The following DIAPH3 variants were observed in gnomAD, a reference collection of about 807,000 sequenced individuals.
DIAPH3 encodes diaphanous related formin 3, also known as protein diaphanous homolog 3.
DIAPH3 carries 117 observed loss-of-function variants against 144.3 expected under a neutral mutation model. The observed-to-expected ratio is 0.81, with a 90% CI of 0.70 to 0.95. DIAPH3 has a LOEUF of 0.95. Among genes scored for constraint, DIAPH3 ranks in the 40% least tolerant of loss-of-function variants. The probability of loss-of-function intolerance (pLI) is 0.00; values close to 1 mark genes in which losing one functional copy is unlikely to be tolerated. For missense variants in DIAPH3, 1,421 were observed against 1,412.7 expected, an observed-to-expected ratio of 1.01 and a Z score of -0.09; for synonymous variants, 519 against 488.9, an observed-to-expected ratio of 1.06 and a Z score of -0.81.
At chr13:60,154,533 G>C (rs188768670) in intron 1 of DIAPH3, among the ~76,000 whole-genome samples, 6 of 152,238 alleles carry the variant, frequency 3.9e-5, no homozygotes, top group South Asian at 2.1e-4. Flanking sequence ...TTTCCAAATA[G>C]ATTTCACTAA....
At chr13:59,954,850 C>A (rs1251258000) in intron 17 of DIAPH3, among the ~76,000 whole-genome samples, 1 of 151,980 alleles carries the variant, frequency 6.6e-6, no homozygotes, top group African/African-American at 2.4e-5. Context: ...AGAACTCAAT[C>A]ATGAGGCAGC....
intron 3 of DIAPH3, among the ~76,000 whole-genome samples, chr13:60,107,896 A>G (rs2058463796): frequency 6.6e-6 from 1 of 152,200 alleles, no homozygotes; most frequent in East Asian, 1.9e-4. Context: ...CTGATAGATG[A>G]GCTTTCTTGC....
chr13:59,855,703 A>G (rs1427445371), intron 22 of DIAPH3, among the ~76,000 whole-genome samples: 1 of 151,832 alleles, frequency 6.6e-6, no homozygotes, highest in Non-Finnish European at 1.5e-5. Flanking sequence ...ACTTGGATAT[A>G]CTAAATACTT....
At chr13:60,067,202 T>C (rs2057002976) in intron 4 of DIAPH3, among the ~76,000 whole-genome samples, 1 of 151,958 alleles carries the variant, frequency 6.6e-6, no homozygotes, top group Non-Finnish European at 1.5e-5. Flanking sequence ...AAAGGATTGC[T>C]TGAGCATGAG....
Position 60,042,732 on chromosome 13 carries a change from C to G in DIAPH3, c.584G>C (p.Cys195Ser), listed in dbSNP as rs946883487. ...CAAAGACACTCGGAGAGACTCCAGG[C>G]ATGTGACAAGTCTCTCATCTGCAGA... ...MGSADERLVT[C>S]LESLRVSLTS... is the part of the protein sequence containing the mutation. Residue 195 changes from cysteine (C) to serine (S), a missense_variant, in exon 5 of 28, where the codon TGC (cysteine) becomes TCC (serine). By Grantham distance (112) the Cys-to-Ser change is moderately radical. Coordinates refer to ENST00000400324, the MANE Select transcript of DIAPH3 (RefSeq NM_001042517.2). 2 of 1,613,598 alleles carry G rather than the reference C, an allele frequency of 1.2e-6. No individual in the cohort carries two copies. Among genetic ancestry groups the G allele is most frequent in the African/African-American group, 2.7e-5 (2 of 74,916 alleles).
rs773306723 is a variant in DIAPH3, at chr13:59,908,369, C to CAAAA, written c.2367+3362_2367+3365dup. Among the ~76,000 whole-genome samples, 31 of 41,162 alleles carry CAAAA rather than the reference C, an allele frequency of 7.5e-4. 1 individual carries two copies. The highest frequency in any genetic ancestry group is 2.4e-3 in the African/African-American group (24 of 10,176). 27.0% of individuals were successfully genotyped at this position (41,162 alleles called of 152,430 possible). On this transcript the variant is annotated intron_variant, in intron 20 of 27. Coordinates refer to ENST00000400324, the MANE Select transcript of DIAPH3 (RefSeq NM_001042517.2). Reference sequence around the variant, plus strand: ...CTGGTGACAGAGCTAGACTCTGTCTCAAAAAAAAAAAAAAAAAAAAAAAAA... The same window carrying CAAAA: ...CTGGTGACAGAGCTAGACTCTGTCTCAAAAAAAAAAAAAAAAAAAAAAAAAAAAA...
chr13:59,689,821 T>A (rs1043378987), intron 27 of DIAPH3, among the ~76,000 whole-genome samples: 9 of 150,478 alleles, frequency 6.0e-5, no homozygotes, highest in African/African-American at 1.9e-4. Context: ...ATGTATGTTA[T>A]GCAAGTGATG....
rs192660489 is a variant in DIAPH3, at chr13:59,999,234, G to T, written c.1015-6651C>A. Among the ~76,000 whole-genome samples, 86 of 152,068 alleles carry T rather than the reference G, an allele frequency of 5.7e-4. No individual in the cohort carries two copies. In the East Asian group the frequency reaches 0.015, roughly 27 times the overall value. Reference sequence around the variant, plus strand: ...CCATTGACAAATTTCAAAATATAGTGATTATCCCTCACTTAAGAAAGGTTT... The same window carrying T: ...CCATTGACAAATTTCAAAATATAGTTATTATCCCTCACTTAAGAAAGGTTT... On this transcript the variant is annotated intron_variant, in intron 9 of 27. Coordinates refer to ENST00000400324, the MANE Select transcript of DIAPH3 (RefSeq NM_001042517.2).
chr13:60,042,401 A>G (rs1172580372), intron 5 of DIAPH3, among the ~76,000 whole-genome samples: 2 of 152,232 alleles, frequency 1.3e-5, no homozygotes, highest in Non-Finnish European at 2.9e-5. Context: ...ACTCAGTCAT[A>G]TTAAATTAAT....
At chr13:59,935,293 C>T (rs1477990471) in intron 17 of DIAPH3, among the ~76,000 whole-genome samples, 1 of 152,130 alleles carries the variant, frequency 6.6e-6, no homozygotes, top group African/African-American at 2.4e-5. Flanking sequence ...AAGGATGACT[C>T]TGGTTCCAAA....
chr13:59,820,875 G>T (rs1159161783), intron 24 of DIAPH3, among the ~76,000 whole-genome samples: 1 of 151,026 alleles, frequency 6.6e-6, no homozygotes, highest in East Asian at 1.9e-4. Flanking sequence ...CTGACTTTTT[G>T]ATCGTACTTC....
rs1028424548 is a variant in DIAPH3 at position 59,665,928 on chromosome 13, G to A, written c.*656C>T. The stretch of plus-strand genomic sequence containing the variant: ...CACAAAAGCACATGCATTTGGCAAA[G>A]AGAGTGCATACATTCTTATTGCATC... On this transcript the variant is annotated 3_prime_UTR_variant, in exon 28 of 28. Coordinates refer to ENST00000400324, the MANE Select transcript of DIAPH3 (RefSeq NM_001042517.2). 1 of 152,264 alleles carries A rather than the reference G, an allele frequency of 6.6e-6. No homozygotes were observed. Among genetic ancestry groups the A allele is most frequent in the Non-Finnish European group, 1.5e-5 (1 of 68,054 alleles). The allele number at this position is 152,264 out of a possible 1,614,324, so 9.4% of individuals were successfully genotyped here. A position where few individuals can be genotyped will look rare whatever the true frequency, so the allele number is the denominator to read the frequency against.
chr13:59,882,510 A>C (rs1305114883), intron 20 of DIAPH3, among the ~76,000 whole-genome samples: 1 of 152,122 alleles, frequency 6.6e-6, no homozygotes, highest in East Asian at 1.9e-4. Flanking sequence ...CATCCTCACC[A>C]CTTCTCATAT....
At chr13:59,756,072 G>C (rs1235507715) in intron 27 of DIAPH3, among the ~76,000 whole-genome samples, 2 of 152,102 alleles carry the variant, frequency 1.3e-5, no homozygotes, top group Non-Finnish European at 2.9e-5. Context: ...TGGGAATTGA[G>C]AAATGCAAAT....
At chr13:60,030,561 T>A (rs553238572) in intron 5 of DIAPH3, among the ~76,000 whole-genome samples, 1 of 152,152 alleles carries the variant, frequency 6.6e-6, no homozygotes, top group Non-Finnish European at 1.5e-5. Flanking sequence ...CCATTTAACA[T>A]GTACTCTGAT....
chr13:59,786,413 T>C (rs1006731935), intron 25 of DIAPH3, among the ~76,000 whole-genome samples: 3 of 152,094 alleles, frequency 2.0e-5, no homozygotes, highest in African/African-American at 4.8e-5. Flanking sequence ...CCAGGAAAAA[T>C]GGTAATATAA....
At chr13:59,977,773 T>G (rs1353521862) in intron 14 of DIAPH3, among the ~76,000 whole-genome samples, 1 of 151,764 alleles carries the variant, frequency 6.6e-6, no homozygotes, top group Non-Finnish European at 1.5e-5. Context: ...GGTTTTGTTG[T>G]TTTACAAGCT....
chr13:59,679,260 G>T (rs1180134536), intron 27 of DIAPH3, among the ~76,000 whole-genome samples: 2 of 152,124 alleles, frequency 1.3e-5, no homozygotes, highest in African/African-American at 4.8e-5. Flanking sequence ...CTGCACTGAG[G>T]TCTCTGTAAA....
chr13:60,005,569 C>A (rs1159092581), intron 9 of DIAPH3, among the ~76,000 whole-genome samples: 1 of 152,150 alleles, frequency 6.6e-6, no homozygotes. Context: ...AAAGCTCCGC[C>A]TCCTGGGTTC....
Sources: gnomAD v4.1 joint callset for allele counts (sites outside exome capture counted in the v4.1 genomes callset) on GRCh38, gnomAD v4.1.1 for gene constraint, MANE v1.5 for transcripts, NCBI Gene and HGNC (gene_info 2026-07-23, HGNC 2026-07-21) for gene names.